The following ZNF225 variants were observed in gnomAD, a reference collection of about 807,000 sequenced individuals.
ZNF225 encodes zinc finger protein 225.
Under a neutral mutation model 12.0 loss-of-function variants are expected in ZNF225, and 6 were observed. That is an observed-to-expected ratio of 0.50 (90% confidence interval 0.27 to 0.98). ZNF225 has a LOEUF of 0.98. Ranked by LOEUF, ZNF225 falls within the 50% of genes least tolerant of loss-of-function variation. The pLI is 0.11. For synonymous variants in ZNF225, 271 were observed against 283.2 expected, an observed-to-expected ratio of 0.96 and a Z score of 0.43; for missense variants, 763 against 848.2, an observed-to-expected ratio of 0.90 and a Z score of 1.25.
intron 4 of ZNF225, among the ~76,000 whole-genome samples, chr19:44,127,292 C>T (rs1367009884): frequency 6.6e-6 from 1 of 152,224 alleles, no homozygotes; most frequent in East Asian, 1.9e-4. Flanking sequence ...GAAACTTCTC[C>T]CACAAACAGA....
chr19:44,129,716 C>G (rs1203333868), intron 4 of ZNF225: 2 of 152,134 alleles, frequency 1.3e-5, no homozygotes, highest in Admixed American at 1.3e-4. Context: ...GGTGTGGCCA[C>G]CCATAATCCT....
chr19:44,130,570 C>A, intron 4 of ZNF225: 1 of 268,060 alleles, frequency 3.7e-6, no homozygotes, highest in Non-Finnish European at 7.0e-6. Context: ...TGGTGGCGGG[C>A]GCCTATAGTC....
upstream of ZNF225, chr19:44,112,393 C>A (rs1330119996): frequency 6.6e-6 from 1 of 152,158 alleles, no homozygotes; most frequent in Non-Finnish European, 1.5e-5. Flanking sequence ...AAAGCCTTAC[C>A]GAGGGCTCCC....
chr19:44,128,930 T>C, intron 4 of ZNF225: 1 of 559,452 alleles, frequency 1.8e-6, no homozygotes, highest in Non-Finnish European at 2.7e-6. Context: ...GTCCAATAAC[T>C]TCACATGGAA....
At position 44,131,111 on chromosome 19, in the gene ZNF225, A is replaced by G. The variant is rs758924391; in HGVS notation, c.497A>G (p.His166Arg). ...AGTGATGTCTCCGTCCTTGATCTTC[A>G]TCAACAACTACAGTCAAGAGAGAAG... ...SFSDVSVLDL[H>R]QQLQSREKSH... Residue 166 changes from histidine to arginine, a missense_variant, in exon 5 of 5, where the codon CAT (histidine) becomes CGT (arginine). His to Arg is a conservative substitution (Grantham distance 29). Transcript: ENST00000262894. 6.2e-7 allele frequency: 1 copy of G among 1,614,200 alleles called. No individual in the cohort carries two copies. Among genetic ancestry groups the G allele is most frequent in the South Asian group, 1.1e-5 (1 of 91,084 alleles).
intron 4 of ZNF225, among the ~76,000 whole-genome samples, chr19:44,127,740 C>T (rs903230070): frequency 6.6e-5 from 10 of 152,088 alleles, no homozygotes; most frequent in Admixed American, 2.6e-4. Context: ...CTCCGTGTCC[C>T]GGGTTCAAGT....
chr19:44,111,937 C>T (rs1164477144), upstream of ZNF225: 1 of 152,100 alleles, frequency 6.6e-6, no homozygotes, highest in Non-Finnish European at 1.5e-5. Context: ...AGGACACGGA[C>T]ACACAAAAAC....
intron 4 of ZNF225, chr19:44,129,097 A>G (rs1968198081): frequency 4.1e-6 from 5 of 1,231,482 alleles, no homozygotes; most frequent in Admixed American, 4.2e-5. Context: ...TTTCTATTTC[A>G]GGTAACCAAG....
rs1389488937 is a variant in ZNF225, at chr19:44,131,205, T to G, written c.591T>G (p.Val197=). The G allele has an allele frequency of 6.2e-7, 1 of 1,614,064 alleles. No individual in the cohort carries two copies. Among genetic ancestry groups the G allele is most frequent in the Non-Finnish European group, 8.5e-7 (1 of 1,180,040 alleles). ...CAGCTCTTCGTATTCATCAGAGAGT[T>G]CACATGGGGGAGAAACTCTATAATT... ...YSSALRIHQR[V]HMGEKLYNCD... The change falls in exon 5 of 5, where the codon GTT becomes GTG. Residue 197 remains valine, a synonymous_variant. Transcript: ENST00000262894.
At position 44,116,867 on chromosome 19, in the gene ZNF225, A is replaced by G. The variant is rs1385117113; in HGVS notation, c.15+1025A>G. Among the ~76,000 whole-genome samples, 3 of 152,250 alleles carry G rather than the reference A, an allele frequency of 2.0e-5. No individual in the cohort carries two copies. In the East Asian group the frequency reaches 5.8e-4, roughly 29 times the overall value. On this transcript the variant is annotated intron_variant, in intron 2 of 4. Coordinates refer to ENST00000262894, the MANE Select transcript of ZNF225 (RefSeq NM_013362.4). ...GATTAGGGTTTGGTAAAAAATTGAG[A>G]CCTGATATTATATGATCACAATTTT...
chr19:44,111,733 A>AT (rs1459092499), upstream of ZNF225, among the ~76,000 whole-genome samples: 9 of 152,362 alleles, frequency 5.9e-5, no homozygotes, highest in African/African-American at 2.2e-4. Flanking sequence ...AAAATAGGTA[A>AT]TAGAAAAGAG....
chr19:44,131,843 A>T lies in ZNF225; in HGVS notation c.1229A>T (p.Tyr410Phe). Residue 410 changes from tyrosine (Y) to phenylalanine (F), a missense_variant, in exon 5 of 5, where the codon TAT (tyrosine) becomes TTT (phenylalanine). Transcript: ENST00000262894. ...FKCEECGKGF[Y>F]TNSQRYSHQR... is the part of the protein sequence containing the mutation. Reference sequence around the variant, plus strand: ...TGTGAAGAATGTGGGAAGGGATTTTATACAAATTCACAACGTTATTCTCAC... The same window carrying T: ...TGTGAAGAATGTGGGAAGGGATTTTTTACAAATTCACAACGTTATTCTCAC... The T allele has an allele frequency of 1.2e-6, 2 of 1,613,900 alleles. No homozygotes were observed. Among genetic ancestry groups the T allele is most frequent in the Non-Finnish European group, 1.7e-6 (2 of 1,179,962 alleles).
upstream of ZNF225, among the ~76,000 whole-genome samples, chr19:44,112,534 A>C (rs1490446658): frequency 2.0e-5 from 3 of 152,164 alleles, no homozygotes; most frequent in African/African-American, 4.8e-5. Flanking sequence ...CCTCAAAAAT[A>C]TTTTTTAAAT....
chr19:44,118,018 A>C (rs1246650681), intron 2 of ZNF225, among the ~76,000 whole-genome samples, 170 bp from the exon 3 acceptor site: 1 of 152,040 alleles, frequency 6.6e-6, no homozygotes, highest in East Asian at 1.9e-4. Context: ...GACTGTCTCA[A>C]AATAAATAAA....
In ZNF225 at chr19:44,132,206, G is replaced by A. The variant is rs543680106; in HGVS notation, c.1592G>A (p.Arg531His). 1.3e-5 allele frequency: 21 copies of A among 1,611,602 alleles called. No homozygotes were observed. The East Asian group carries it at 1.8e-4, about 14-fold the overall frequency. Residue 531 changes from arginine (R) to histidine (H), a missense_variant, in exon 5 of 5, where the codon CGC (arginine) becomes CAC (histidine). Arg to His is a conservative substitution (Grantham distance 29). Transcript: ENST00000262894. Reference sequence around the variant, plus strand: ...CAGAATTCACAACTTTATTCTCATCGCAGAGTCCACACTGGAGTAAAGCCA... The same window carrying A: ...CAGAATTCACAACTTTATTCTCATCACAGAGTCCACACTGGAGTAAAGCCA... Reference protein sequence around the residue: ...FTQNSQLYSHRRVHTGVKPYK... With the variant: ...FTQNSQLYSHHRVHTGVKPYK...
At chr19:44,118,970 C>T (rs965347558) in intron 4 of ZNF225, among the ~76,000 whole-genome samples, 2 of 152,138 alleles carry the variant, frequency 1.3e-5, no homozygotes, top group African/African-American at 4.8e-5. Context: ...ATGCCCGCCA[C>T]CACGCCCGGC....
intron 4 of ZNF225, among the ~76,000 whole-genome samples, chr19:44,121,025 T>A (rs10417110): frequency 2.6e-5 from 4 of 152,106 alleles, no homozygotes; most frequent in African/African-American, 9.7e-5. Flanking sequence ...GCCTCTCAAG[T>A]AGCTGGGACT....
In ZNF225 at chr19:44,132,129, C is replaced by A; in HGVS notation, c.1515C>A (p.Val505=). 1 of 1,614,030 alleles carries A rather than the reference C, an allele frequency of 6.2e-7. No individual in the cohort carries two copies. The highest frequency in any genetic ancestry group is 8.5e-7 in the Non-Finnish European group (1 of 1,179,964). Residue 505 remains valine, a synonymous_variant, in exon 5 of 5, where the codon GTC becomes GTA. Transcript: ENST00000262894. ...QNSQLYTHRR[V]HSGEKPFKCE... Reference sequence around the variant, plus strand: ...CACAACTTTATACCCATCGTAGAGTCCACAGTGGAGAAAAACCATTCAAAT... The same window carrying A: ...CACAACTTTATACCCATCGTAGAGTACACAGTGGAGAAAAACCATTCAAAT...
Position 44,132,077 on chromosome 19 carries a change from A to C in ZNF225, c.1463A>C (p.Glu488Ala). The change falls in exon 5 of 5, where the codon GAA (glutamate) becomes GCA (alanine). Residue 488 changes from glutamate to alanine, a missense_variant. Glu to Ala is a moderately radical substitution (Grantham distance 107). Coordinates refer to ENST00000262894, the MANE Select transcript of ZNF225 (RefSeq NM_013362.4). The part of the protein sequence containing the change: ...HSGEKPFKCE[E>A]CGKRFTQNSQ... ...GGAGAAAAACCATTTAAATGTGAAG[A>C]ATGTGGGAAAAGATTTACTCAGAAT... 6.2e-7 allele frequency: 1 copy of C among 1,614,066 alleles called. No homozygotes were observed. Among genetic ancestry groups the C allele is most frequent in the South Asian group, 1.1e-5 (1 of 91,070 alleles).
Sources: allele counts gnomAD v4.1 joint callset (sites outside exome capture counted in the v4.1 genomes callset), GRCh38; gene constraint gnomAD v4.1.1; transcripts MANE v1.5; gene names NCBI Gene and HGNC (gene_info 2026-07-23, HGNC 2026-07-21).